WRAP73: variants seen among roughly 807,000 people sequenced by gnomAD.
WRAP73 encodes WD repeat containing, antisense to TP73.
Under a neutral mutation model 59.6 loss-of-function variants are expected in WRAP73, and 55 were observed. The observed-to-expected ratio is 0.92, with a 90% CI of 0.74 to 1.15. The LOEUF is 1.15. Ranked by LOEUF, WRAP73 falls within the 50% of genes most tolerant of loss-of-function variation. The probability of loss-of-function intolerance (pLI) is 0.00; values close to 1 mark genes in which losing one functional copy is unlikely to be tolerated. For synonymous variants in WRAP73, 265 were observed against 258.2 expected, an observed-to-expected ratio of 1.03 and a Z score of -0.25; for missense variants, 592 against 608.1, an observed-to-expected ratio of 0.97 and a Z score of 0.28.
chr1:3,631,891 T>TG (rs1375370467), intron 10 of WRAP73: 2 of 1,395,848 alleles, frequency 1.4e-6, no homozygotes, highest in African/African-American at 2.9e-5. Flanking sequence ...TGGTATTTTT[T>TG]TTTTTTTTTT....
In WRAP73 at chr1:3,638,783, A is replaced by G; in HGVS notation, c.379T>C (p.Ser127Pro). 1 of 1,614,190 alleles carries G rather than the reference A, an allele frequency of 6.2e-7. No homozygotes were observed. The highest frequency in any genetic ancestry group is 2.2e-5 in the East Asian group (1 of 44,886). Residue 127 changes from serine (S) to proline (P), a missense_variant, in exon 4 of 12, where the codon TCT (serine) becomes CCT (proline). Transcript: ENST00000270708. Reference sequence around the variant, plus strand: ...CAAGCTTTCGGGTATTTGATGTAAGACACGGATTTTGTGCACAAGGACCAG... The same window carrying G: ...CAAGCTTTCGGGTATTTGATGTAAGGCACGGATTTTGTGCACAAGGACCAG... ...TVWSLCTKSVSYIKYPKACLQ... is the reference protein window; with the variant it reads ...TVWSLCTKSVPYIKYPKACLQ...
intron 3 of WRAP73, among the ~76,000 whole-genome samples, chr1:3,643,004 C>T (rs1395071369): frequency 2.0e-5 from 3 of 152,182 alleles, no homozygotes; most frequent in East Asian, 3.9e-4. Flanking sequence ...CCGTCTGCTA[C>T]GGCCAAGCAA....
chr1:3,634,806 G>T, intron 8 of WRAP73, 191 bp downstream of exon 8: 1 of 703,674 alleles, frequency 1.4e-6, no homozygotes, highest in Non-Finnish European at 2.4e-6. Context: ...CAGACCCTTT[G>T]GGCAGCGTGG....
chr1:3,641,206 G>A (rs932080468), intron 3 of WRAP73, among the ~76,000 whole-genome samples: 1 of 152,172 alleles, frequency 6.6e-6, no homozygotes, highest in Non-Finnish European at 1.5e-5. Flanking sequence ...CACTCAGGAG[G>A]GAAGGAAGGG....
chr1:3,640,771 G>A (rs763963105), intron 3 of WRAP73, among the ~76,000 whole-genome samples: 8 of 151,154 alleles, frequency 5.3e-5, no homozygotes, highest in Non-Finnish European at 7.4e-5. Flanking sequence ...TCAGCAGGGC[G>A]GGGTGCAGCG....
At chr1:3,643,544 G>A (rs958395267) in intron 3 of WRAP73, among the ~76,000 whole-genome samples, 3 of 152,112 alleles carry the variant, frequency 2.0e-5, no homozygotes, top group African/African-American at 7.2e-5. Flanking sequence ...TGGCGCCTTC[G>A]CAAGTGGACT....
chr1:3,639,878 G>A lies in WRAP73; in HGVS notation c.340-1056C>T, dbSNP rs1029852295. Among the ~76,000 whole-genome samples the A allele has an allele frequency of 2.6e-4, 40 of 152,182 alleles. No individual in the cohort carries two copies. The highest frequency in any genetic ancestry group is 7.7e-4 in the African/African-American group (32 of 41,450). ...GGGGTCCTCGCTGAGGATGAGGCCCGGGGTGGGGGACCGTCTCCAGCAGCG... is the reference window on the plus strand; with the variant it reads ...GGGGTCCTCGCTGAGGATGAGGCCCAGGGTGGGGGACCGTCTCCAGCAGCG... On this transcript the variant is annotated intron_variant, in intron 3 of 11. Transcript: ENST00000270708. The surrounding 1 kb of genome is among the most constrained non-coding windows in gnomAD (Gnocchi z 4.3).
chr1:3,633,147 C>T (rs567915450), intron 9 of WRAP73: 15 of 458,914 alleles, frequency 3.3e-5, no homozygotes, highest in African/African-American at 1.4e-4. Context: ...AACATCCCCT[C>T]GGAGCTCCCG....
Position 3,631,675 on chromosome 1 carries a change from G to A in WRAP73, c.1049-18C>T, listed in dbSNP as rs756478885. Reference sequence around the variant, plus strand: ...AATGTTGTCTGAGGAAGGAAGGACAGGGCACCGGTGTCATCCCTGCCTGGC... The same window carrying A: ...AATGTTGTCTGAGGAAGGAAGGACAAGGCACCGGTGTCATCCCTGCCTGGC... On this transcript the variant is annotated intron_variant, in intron 10 of 11. Transcript: ENST00000270708. 1 of 1,575,706 alleles carries A rather than the reference G, an allele frequency of 6.3e-7. No homozygotes were observed. The highest frequency in any genetic ancestry group is 1.1e-5 in the South Asian group (1 of 87,962).
chr1:3,631,053 C>T lies in WRAP73; in HGVS notation c.1305G>A (p.Lys435=), dbSNP rs1212292704. The change falls in exon 12 of 12, where the codon AAG becomes AAA. Residue 435 remains lysine, a synonymous_variant. Coordinates refer to ENST00000270708, the MANE Select transcript of WRAP73 (RefSeq NM_017818.4). ...LSGDSMALLS[K]DHFCLCFLET... ...CCAGGAAGCAGAGGCAGAAGTGATC[C>T]TTGCTGAGGAGGGCCATCGAGTCTC... The T allele has an allele frequency of 1.2e-6, 2 of 1,613,228 alleles. No homozygotes were observed. The highest frequency in any genetic ancestry group is 2.2e-5 in the South Asian group (2 of 91,090).
chr1:3,633,516 A>G lies in WRAP73; in HGVS notation c.817-13T>C. ...CCTTATACACCACCTGAAAGACACA[A>G]GGTGGCCACGCCCGGCTCAGGACAG... On this transcript the variant is annotated splice_polypyrimidine_tract_variant and intron_variant, in intron 8 of 11. Transcript: ENST00000270708. 3 of 1,577,862 alleles carry G rather than the reference A, an allele frequency of 1.9e-6. No homozygotes were observed. Among genetic ancestry groups the G allele is most frequent in the Non-Finnish European group, 2.6e-6 (3 of 1,165,604 alleles).
rs149516397 is a variant in WRAP73, at chr1:3,630,978, C to G, written c.1380G>C (p.Thr460=). Residue 460 remains threonine, a synonymous_variant, in exon 12 of 12, where the codon ACG becomes ACC. Coordinates refer to ENST00000270708, the MANE Select transcript of WRAP73 (RefSeq NM_017818.4). ...TGCACACGTTAGTGCACCGCTGCTA[C>G]GTGTGGCCGCCCAGCTGTCTGCAGG... ...GTACRQLGGH[T] is the part of the protein sequence containing the mutation. 17 of 1,612,540 alleles carry G rather than the reference C, an allele frequency of 1.1e-5. No individual in the cohort carries two copies. The African/African-American group carries it at 1.1e-4, about 10-fold the overall frequency.
At position 3,637,175 on chromosome 1, in the gene WRAP73, G is replaced by A. The variant is rs926757502; in HGVS notation, c.413-77C>T. 4 of 1,225,046 alleles carry A rather than the reference G, an allele frequency of 3.3e-6. No individual in the cohort carries two copies. In the Admixed American group the frequency reaches 6.1e-5, roughly 19 times the overall value. The allele number at this position is 1,225,046 out of a possible 1,614,324, so 75.9% of individuals were successfully genotyped here. On this transcript the variant is annotated intron_variant, in intron 4 of 11. Coordinates refer to ENST00000270708, the MANE Select transcript of WRAP73 (RefSeq NM_017818.4). ...GAGAAACCACAGTAGTAATTCACAA[G>A]GAAGGAGGAGGAAAAGAAAGCAGAG...
At position 3,634,391 on chromosome 1, in the gene WRAP73, C is replaced by T. The variant is rs993790573; in HGVS notation, c.816+606G>A. Reference sequence around the variant, plus strand: ...CAGCATTTGTCTCTGGCTCCCAGCGCAGTGCCCGCTGCACACATGGATGCG... The same window carrying T: ...CAGCATTTGTCTCTGGCTCCCAGCGTAGTGCCCGCTGCACACATGGATGCG... On this transcript the variant is annotated intron_variant, in intron 8 of 11. Transcript: ENST00000270708. 2.5e-5 allele frequency: 4 copies of T among 159,176 alleles called. No homozygotes were observed. The South Asian group carries it at 7.1e-4, about 28-fold the overall frequency. The allele number at this position is 159,176 out of a possible 1,614,324, so 9.9% of individuals were successfully genotyped here.
chr1:3,637,834 A>T (rs10909997), intron 4 of WRAP73, among the ~76,000 whole-genome samples: 6,030 of 152,282 alleles, frequency 0.04, 393 homozygotes, highest in African/African-American at 0.14. Flanking sequence ...ACCCTGTCTC[A>T]AAAAAGTAAT....
chr1:3,632,673 A>T, intron 9 of WRAP73: 1 of 366,664 alleles, frequency 2.7e-6, no homozygotes, highest in East Asian at 7.2e-5. Flanking sequence ...TTTTCTGTCG[A>T]CTACCAGCAT....
chr1:3,645,398 C>A (rs12043953), intron 3 of WRAP73, among the ~76,000 whole-genome samples: 46 of 140,512 alleles, frequency 3.3e-4, no homozygotes, highest in African/African-American at 1.2e-3. Flanking sequence ...GCGGGACGGG[C>A]GGGTTGCCCC....
At position 3,647,607 on chromosome 1, in the gene WRAP73, G is replaced by C. The variant is rs376075696; in HGVS notation, c.70-47C>G. ...GCACCTGACATTCTCCACTCCAAAA[G>C]AGGGGGGCCTTCGGAATGCTACTGC... On this transcript the variant is annotated intron_variant, in intron 1 of 11. Coordinates refer to ENST00000270708, the MANE Select transcript of WRAP73 (RefSeq NM_017818.4). 2.7e-4 allele frequency: 431 copies of C among 1,592,532 alleles called. 1 individual carries two copies. Among genetic ancestry groups the C allele is most frequent in the Non-Finnish European group, 3.4e-4 (401 of 1,167,868 alleles).
At chr1:3,649,871 C>A in intron 1 of WRAP73, 60 bp downstream of exon 1, 1 of 1,534,258 alleles carries the variant, frequency 6.5e-7, no homozygotes, top group Non-Finnish European at 8.8e-7. Flanking sequence ...CCCGGCCCTG[C>A]CCGCCGGGGA....
Sources: gnomAD v4.1 joint callset for allele counts (sites outside exome capture counted in the v4.1 genomes callset) on GRCh38, gnomAD v4.1.1 for gene constraint, Gnocchi (gnomAD v3.1) non-coding constraint, MANE v1.5 for transcripts, NCBI Gene and HGNC (gene_info 2026-07-23, HGNC 2026-07-21) for gene names.